The following PPP2R5E variants were observed in gnomAD, a reference collection of about 807,000 sequenced individuals.
The protein encoded by PPP2R5E is protein phosphatase 2 regulatory subunit B'epsilon.
In PPP2R5E, 4 loss-of-function variants were observed where a neutral mutation model predicts 65.3. That is an observed-to-expected ratio of 0.06 (90% confidence interval 0.03 to 0.14). The LOEUF (loss-of-function observed/expected upper bound fraction) is 0.14. PPP2R5E is among the 10% of genes least tolerant of loss of function. PPP2R5E has a pLI of 1.00. For missense variants in PPP2R5E, 274 were observed against 556.1 expected (o/e 0.49, Z 5.10); for synonymous variants, 183 against 187.4 (o/e 0.98, Z 0.19).
intron 3 of PPP2R5E, among the ~76,000 whole-genome samples, chr14:63,429,316 A>C (rs949750450): frequency 6.6e-6 from 1 of 152,240 alleles, no homozygotes. Flanking sequence ...TATTGCAAGC[A>C]TATCAACTAT....
At chr14:63,462,237 A>AT (rs1410629608) in intron 2 of PPP2R5E, among the ~76,000 whole-genome samples, 5 of 151,976 alleles carry the variant, frequency 3.3e-5, no homozygotes, top group Admixed American at 1.3e-4. Flanking sequence ...TGCCCGGCTA[A>AT]TTTTTTGTAT....
At chr14:63,393,732 A>T in intron 8 of PPP2R5E, 88 bp downstream of exon 8, 1 of 917,082 alleles carries the variant, frequency 1.1e-6, no homozygotes. Flanking sequence ...AACCAAAAAA[A>T]CAAAATGAAG....
At chr14:63,533,433 T>C (rs377582873) in intron 2 of PPP2R5E, among the ~76,000 whole-genome samples, 1 of 151,458 alleles carries the variant, frequency 6.6e-6, no homozygotes, top group East Asian at 2.0e-4. Flanking sequence ...TGGAGGCGCA[T>C]GCCTGTAATC....
intron 2 of PPP2R5E, among the ~76,000 whole-genome samples, chr14:63,484,328 TTCTC>T (rs1890867873): frequency 7.7e-6 from 1 of 129,506 alleles, no homozygotes; most frequent in South Asian, 2.5e-4. Flanking sequence ...ATCTCTTTCT[TTCTC>T]TTTCTCTCTC....
chr14:63,527,097 A>AG (rs1303148172), intron 2 of PPP2R5E, among the ~76,000 whole-genome samples: 5 of 152,142 alleles, frequency 3.3e-5, no homozygotes, highest in Non-Finnish European at 7.4e-5. Flanking sequence ...TGAACCCAGG[A>AG]GGTGGGGGTT....
chr14:63,382,350 T>C (rs1884413529), intron 12 of PPP2R5E, among the ~76,000 whole-genome samples, 193 bp from the exon 13 acceptor site: 1 of 152,162 alleles, frequency 6.6e-6, no homozygotes, highest in Non-Finnish European at 1.5e-5. Context: ...GCAAGATAAT[T>C]TTCTGAGGGG....
At chr14:63,444,124 A>G (rs983371774) in intron 3 of PPP2R5E, among the ~76,000 whole-genome samples, 2 of 152,150 alleles carry the variant, frequency 1.3e-5, no homozygotes, top group Non-Finnish European at 2.9e-5. Context: ...CCACATCCAC[A>G]TCTTCAGCTG....
chr14:63,428,258 C>T (rs1318506678), intron 3 of PPP2R5E, among the ~76,000 whole-genome samples: 2 of 152,204 alleles, frequency 1.3e-5, no homozygotes, highest in East Asian at 1.9e-4. Context: ...TTGAAGCACT[C>T]AAGGACTCTA....
At chr14:63,526,415 A>G (rs368509298) in intron 2 of PPP2R5E, among the ~76,000 whole-genome samples, 9 of 152,362 alleles carry the variant, frequency 5.9e-5, no homozygotes, top group African/African-American at 2.2e-4. Context: ...GACAAATACA[A>G]GAGTGCTGAA....
intron 2 of PPP2R5E, among the ~76,000 whole-genome samples, chr14:63,533,338 G>C (rs1893515437): frequency 1.3e-5 from 2 of 152,072 alleles, no homozygotes; most frequent in Admixed American, 6.6e-5. Context: ...GAGGCAGGCA[G>C]ATCACCTGAG....
intron 2 of PPP2R5E, among the ~76,000 whole-genome samples, chr14:63,463,599 G>C (rs528535431): frequency 6.9e-6 from 1 of 145,740 alleles, no homozygotes; most frequent in African/African-American, 2.6e-5. Flanking sequence ...ACTCGAATTC[G>C]CTTTTTTTTT....
chr14:63,441,770 T>C (rs1888250471), intron 3 of PPP2R5E, among the ~76,000 whole-genome samples: 1 of 151,846 alleles, frequency 6.6e-6, no homozygotes, highest in African/African-American at 2.4e-5. Flanking sequence ...ATTACTCGGG[T>C]GTGGTGGCGG....
At chr14:63,502,559 C>T (rs28420069) in intron 2 of PPP2R5E, among the ~76,000 whole-genome samples, 20,339 of 151,836 alleles carry the variant, frequency 0.13, 1,486 homozygotes, top group African/African-American at 0.17. Context: ...CCCAGCTACT[C>T]GGGAGACTGA....
intron 2 of PPP2R5E, among the ~76,000 whole-genome samples, chr14:63,496,157 G>C (rs1353865297): frequency 6.6e-6 from 1 of 152,048 alleles, no homozygotes; most frequent in Admixed American, 6.5e-5. Flanking sequence ...GGATGTATTG[G>C]TGTTCACCGT....
intron 3 of PPP2R5E, among the ~76,000 whole-genome samples, chr14:63,444,769 T>TA (rs903401487): frequency 6.6e-6 from 1 of 151,878 alleles, no homozygotes; most frequent in East Asian, 1.9e-4. Flanking sequence ...ATAATGTGGT[T>TA]AAAAAAAATA....
intron 5 of PPP2R5E, among the ~76,000 whole-genome samples, chr14:63,410,853 A>G (rs1886354235): frequency 6.6e-6 from 1 of 152,170 alleles, no homozygotes. Flanking sequence ...TGCCACTTTC[A>G]CAATTCATTC....
At chr14:63,422,807 T>C (rs77780840) in intron 3 of PPP2R5E, among the ~76,000 whole-genome samples, 4,746 of 151,646 alleles carry the variant, frequency 0.031, 142 homozygotes, top group East Asian at 0.12. Flanking sequence ...ATTCACTATT[T>C]GCAAACTTAT....
At chr14:63,480,331 C>A (rs1018884355) in intron 2 of PPP2R5E, among the ~76,000 whole-genome samples, 1 of 152,120 alleles carries the variant, frequency 6.6e-6, no homozygotes, top group African/African-American at 2.4e-5. Context: ...GTTGGTGTGC[C>A]TGTAATCCCA....
intron 3 of PPP2R5E, chr14:63,452,059 T>C (rs556799380): frequency 6.6e-6 from 1 of 152,292 alleles, no homozygotes; most frequent in African/African-American, 2.4e-5. Context: ...GAAATATATA[T>C]TGCTAAGTGA....
Sources: gnomAD v4.1 joint callset for allele counts (sites outside exome capture counted in the v4.1 genomes callset) on GRCh38, gnomAD v4.1.1 for gene constraint, MANE v1.5 for transcripts, NCBI Gene and HGNC (gene_info 2026-07-23, HGNC 2026-07-21) for gene names.